Variants in PHF14 observed in about 807,000 individuals in gnomAD.
PHF14 encodes the protein PHD finger protein 14.
Under a neutral mutation model 117.9 loss-of-function variants are expected in PHF14, and 55 were observed. That is an observed-to-expected ratio of 0.47 (90% confidence interval 0.38 to 0.58). The LOEUF (loss-of-function observed/expected upper bound fraction) is 0.58. PHF14 is among the 20% of genes least tolerant of loss of function. The pLI, the probability that PHF14 is intolerant of heterozygous loss-of-function variation, is 0.00. For synonymous variants in PHF14, 409 were observed against 368.6 expected, an observed-to-expected ratio of 1.11 and a Z score of -1.26; for missense variants, 978 against 1,122.2, an observed-to-expected ratio of 0.87 and a Z score of 1.84.
rs1251686497 is a variant in PHF14, at chr7:11,006,772, G to T, written c.1046-6975G>T. On this transcript the variant is annotated intron_variant, in intron 4 of 17. Coordinates refer to ENST00000634607, the MANE Select transcript of PHF14 (RefSeq NM_001007157.2). ...ATGCGGATCTTCTTTTTTGGTGGCTGTGGACACCTTTCAACACTGCCTTCT... is the reference window on the plus strand; with the variant it reads ...ATGCGGATCTTCTTTTTTGGTGGCTTTGGACACCTTTCAACACTGCCTTCT... 3.8e-6 allele frequency: 3 copies of T among 784,548 alleles called. No homozygotes were observed. In the African/African-American group the frequency reaches 5.1e-5, roughly 13 times the overall value. 48.6% of individuals were successfully genotyped at this position (784,548 alleles called of 1,614,324 possible). A position where few individuals can be genotyped will look rare whatever the true frequency, so the allele number is the denominator to read the frequency against.
At chr7:11,148,970 TTTTG>T (rs1296991556) in intron 17 of PHF14, among the ~76,000 whole-genome samples, 4 of 152,204 alleles carry the variant, frequency 2.6e-5, no homozygotes, top group African/African-American at 9.6e-5. Flanking sequence ...ACATAATCAT[TTTTG>T]TTTATTTAAA....
At chr7:11,099,081 A>G (rs1453931281) in intron 16 of PHF14, among the ~76,000 whole-genome samples, 1 of 152,158 alleles carries the variant, frequency 6.6e-6, no homozygotes, top group Non-Finnish European at 1.5e-5. Context: ...TTGGATAATG[A>G]GTGTAGCCCA....
At chr7:11,019,399 T>C (rs530656157) in intron 5 of PHF14, among the ~76,000 whole-genome samples, 17 of 152,310 alleles carry the variant, frequency 1.1e-4, no homozygotes, top group African/African-American at 4.1e-4. Context: ...GGAGACTTTA[T>C]TATGGCTTCA....
intron 17 of PHF14, among the ~76,000 whole-genome samples, chr7:11,135,265 G>A (rs989945403): frequency 1.3e-5 from 2 of 151,988 alleles, no homozygotes; most frequent in Non-Finnish European, 2.9e-5. Context: ...GGGCTTTTGA[G>A]GGGGGGTTCT....
intron 6 of PHF14, among the ~76,000 whole-genome samples, chr7:11,023,540 T>G (rs1414284787): frequency 6.6e-6 from 1 of 152,172 alleles, no homozygotes; most frequent in African/African-American, 2.4e-5. Flanking sequence ...AATTGAAATT[T>G]GGCCAATTAG....
intron 16 of PHF14, among the ~76,000 whole-genome samples, chr7:11,075,834 A>G (rs1404433486): frequency 6.6e-6 from 1 of 152,106 alleles, no homozygotes; most frequent in African/African-American, 2.4e-5. Context: ...GTAACTGCTT[A>G]AAAGTTGCAT....
Position 11,035,766 on chromosome 7 carries a change from C to T in PHF14, c.1582C>T (p.Gln528Ter). 3.7e-6 allele frequency: 6 copies of T among 1,605,970 alleles called. No homozygotes were observed. The highest frequency in any genetic ancestry group is 5.1e-6 in the Non-Finnish European group (6 of 1,175,770). The change falls in exon 8 of 18, where the codon CAA (glutamine) becomes TAA (stop). Residue 528 changes from glutamine to a stop codon, truncating the protein, a stop_gained. Coordinates refer to ENST00000634607, the MANE Select transcript of PHF14 (RefSeq NM_001007157.2). LOFTEE classifies it high-confidence loss of function. ...AATGTCTTTGCAAGAGAGAGAGAAGCAACTATCACCAGAAGCACAGGTATG... is the reference window on the plus strand; with the variant it reads ...AATGTCTTTGCAAGAGAGAGAGAAGTAACTATCACCAGAAGCACAGGTATG... Reference protein sequence around the residue: ...CKMSLQEREKQLSPEAQARIN... With the variant: ...CKMSLQEREK
At chr7:11,066,256 C>T (rs1333028583) in intron 16 of PHF14, among the ~76,000 whole-genome samples, 3 of 152,126 alleles carry the variant, frequency 2.0e-5, no homozygotes, top group African/African-American at 4.8e-5. Context: ...ATTAGTCTCT[C>T]GTTATTCTGA....
chr7:10,975,644 A>G (rs996242257), intron 2 of PHF14, among the ~76,000 whole-genome samples: 3 of 152,256 alleles, frequency 2.0e-5, no homozygotes, highest in African/African-American at 7.2e-5. Flanking sequence ...TCTGAGAAAC[A>G]AAAATTATGT....
At chr7:11,024,121 T>G (rs1783829567) in intron 6 of PHF14, among the ~76,000 whole-genome samples, 2 of 152,164 alleles carry the variant, frequency 1.3e-5, no homozygotes, top group South Asian at 4.1e-4. Context: ...TGGAGAAAAT[T>G]TTAATAGTAG....
chr7:11,042,891 T>C lies in PHF14; in HGVS notation c.2312+77T>C. Reference sequence around the variant, plus strand: ...CAGCAGTATAAGATGAAATACTATATTTGTTCATAATAAAGTATTTGGCAC... The same window carrying C: ...CAGCAGTATAAGATGAAATACTATACTTGTTCATAATAAAGTATTTGGCAC... On this transcript the variant is annotated intron_variant, in intron 13 of 17. Coordinates refer to ENST00000634607, the MANE Select transcript of PHF14 (RefSeq NM_001007157.2). 3.0e-6 allele frequency: 3 copies of C among 993,826 alleles called. No homozygotes were observed. In the South Asian group the frequency reaches 4.8e-5, roughly 16 times the overall value. The allele number at this position is 993,826 out of a possible 1,614,324, so 61.6% of individuals were successfully genotyped here.
rs753100570 is a variant in PHF14 at position 11,013,826 on chromosome 7, T to C, written c.1125T>C (p.Asp375=). 2 of 1,608,650 alleles carry C rather than the reference T, an allele frequency of 1.2e-6. No individual in the cohort carries two copies. Among genetic ancestry groups the C allele is most frequent in the South Asian group, 2.2e-5 (2 of 90,738 alleles). ...SENSTEPWFC[D]ACKCGVSPSC... Reference sequence around the variant, plus strand: ...ACTCCACTGAACCTTGGTTTTGTGATGCCTGTAAATGTGGTGTTTCTCCTA... The same window carrying C: ...ACTCCACTGAACCTTGGTTTTGTGACGCCTGTAAATGTGGTGTTTCTCCTA... The change falls in exon 5 of 18, where the codon GAT becomes GAC. Residue 375 remains aspartate, a synonymous_variant. Transcript: ENST00000634607.
chr7:11,007,320 C>A (rs1783156578), intron 4 of PHF14, among the ~76,000 whole-genome samples: 1 of 152,114 alleles, frequency 6.6e-6, no homozygotes, highest in Admixed American at 6.5e-5. Context: ...TCCATCCTTG[C>A]AAATGTTTTT....
rs1424279317 is a variant in PHF14 at position 11,077,640 on chromosome 7, G to A, written c.2654+15555G>A. ...AAAAAAAGACAGATTCAAGCACACTGTATTTGCATTTTGTGAGTATGATTT... is the reference window on the plus strand; with the variant it reads ...AAAAAAAGACAGATTCAAGCACACTATATTTGCATTTTGTGAGTATGATTT... On this transcript the variant is annotated intron_variant, in intron 16 of 17. Coordinates refer to ENST00000634607, the MANE Select transcript of PHF14 (RefSeq NM_001007157.2). Among the ~76,000 whole-genome samples, 43 of 147,950 alleles carry A rather than the reference G, an allele frequency of 2.9e-4. 2 individuals are homozygous for A. Among genetic ancestry groups the A allele is most frequent in the Admixed American group, 2.8e-3 (42 of 14,808 alleles).
intron 17 of PHF14, among the ~76,000 whole-genome samples, chr7:11,163,168 C>G (rs1789099327): frequency 6.6e-6 from 1 of 152,096 alleles, no homozygotes; most frequent in South Asian, 2.1e-4. Flanking sequence ...AAAAAGAGCT[C>G]TATTCTACTT....
At chr7:11,076,302 G>A (rs896163334) in intron 16 of PHF14, among the ~76,000 whole-genome samples, 6 of 152,100 alleles carry the variant, frequency 3.9e-5, no homozygotes, top group Non-Finnish European at 7.3e-5. Flanking sequence ...CATCCCTTCC[G>A]TGATCATACC....
At chr7:11,058,374 A>G (rs574628535) in intron 14 of PHF14, among the ~76,000 whole-genome samples, 25 of 152,188 alleles carry the variant, frequency 1.6e-4, no homozygotes, top group African/African-American at 5.8e-4. Context: ...TTTCGTAGTT[A>G]TAGTTGCTGC....
intron 14 of PHF14, among the ~76,000 whole-genome samples, chr7:11,061,055 C>T (rs1214595845): frequency 6.6e-6 from 1 of 152,142 alleles, no homozygotes; most frequent in Non-Finnish European, 1.5e-5. Flanking sequence ...GCAGTGCCTG[C>T]ATTCTCTTCC....
intron 14 of PHF14, among the ~76,000 whole-genome samples, chr7:11,059,856 T>C (rs116136130): frequency 0.016 from 2,362 of 152,264 alleles, 62 homozygotes; most frequent in African/African-American, 0.054. Context: ...ATTTAAACTT[T>C]TTGTCAAATT....
Sources: allele counts gnomAD v4.1 joint callset (sites outside exome capture counted in the v4.1 genomes callset), GRCh38; gene constraint gnomAD v4.1.1; transcripts MANE v1.5; gene names NCBI Gene and HGNC (gene_info 2026-07-23, HGNC 2026-07-21).